The following MARCHF8 variants were observed in gnomAD, a reference collection of about 807,000 sequenced individuals.
MARCHF8 encodes membrane associated ring-CH-type finger 8.
Under a neutral mutation model 51.6 loss-of-function variants are expected in MARCHF8, and 40 were observed. That is an observed-to-expected ratio of 0.77 (90% CI 0.60 to 1.01). The LOEUF is 1.01. Ranked by LOEUF, MARCHF8 falls within the 50% of genes least tolerant of loss-of-function variation. The pLI is 0.00. For synonymous variants in MARCHF8, 263 were observed against 280.3 expected, an observed-to-expected ratio of 0.94 and a Z score of 0.62; for missense variants, 685 against 708.6, an observed-to-expected ratio of 0.97 and a Z score of 0.38.
At chr10:45,532,773 C>A (rs1165065170) in intron 2 of MARCHF8, among the ~76,000 whole-genome samples, 2 of 152,226 alleles carry the variant, frequency 1.3e-5, no homozygotes, top group African/African-American at 4.8e-5. Flanking sequence ...TTCCAGCCAT[C>A]TGGTGTCCAA....
At chr10:45,539,383 ACACCTTAACAT>A (rs1167348416), upstream of MARCHF8, among the ~76,000 whole-genome samples, 1 of 152,216 alleles carries the variant, frequency 6.6e-6, no homozygotes, top group Non-Finnish European at 1.5e-5. Flanking sequence ...TCTAAAATTG[ACACCTTAACAT>A]CACAATTAAA....
intron 1 of MARCHF8, among the ~76,000 whole-genome samples, chr10:45,583,913 G>C (rs1407815545): frequency 6.8e-6 from 1 of 147,622 alleles, no homozygotes; most frequent in African/African-American, 2.5e-5. Flanking sequence ...GGCTGAGGCA[G>C]AGAATTGCTT....
upstream of MARCHF8, among the ~76,000 whole-genome samples, chr10:45,537,567 C>T (rs545298894): frequency 4.0e-5 from 6 of 151,448 alleles, no homozygotes; most frequent in South Asian, 8.3e-4. Context: ...TTGGGAGGAT[C>T]GCTTGAGCCC....
At chr10:45,528,918 C>A (rs2043834749) in intron 2 of MARCHF8, among the ~76,000 whole-genome samples, 1 of 152,106 alleles carries the variant, frequency 6.6e-6, no homozygotes, top group Non-Finnish European at 1.5e-5. Context: ...TCTGCAGATG[C>A]AATTCCTATA....
chr10:45,561,344 G>A (rs927268365), intron 1 of MARCHF8, among the ~76,000 whole-genome samples: 9 of 149,394 alleles, frequency 6.0e-5, no homozygotes, highest in East Asian at 4.0e-4. Flanking sequence ...GCATGATCTC[G>A]GCTCACTGCA....
chr10:45,485,273 G>A (rs1000679871), intron 3 of MARCHF8, among the ~76,000 whole-genome samples: 9 of 152,202 alleles, frequency 5.9e-5, no homozygotes, highest in African/African-American at 1.7e-4. Flanking sequence ...CCCAGGCAGT[G>A]ATAAGTGCGA....
At chr10:45,579,122 G>T (rs1341155240) in intron 1 of MARCHF8, among the ~76,000 whole-genome samples, 1 of 152,096 alleles carries the variant, frequency 6.6e-6, no homozygotes, top group Non-Finnish European at 1.5e-5. Context: ...GAATACCCTG[G>T]CTCTTAGAAA....
intron 2 of MARCHF8, 66 bp from the exon 3 acceptor site, chr10:45,489,483 T>A: frequency 7.2e-7 from 1 of 1,381,672 alleles, no homozygotes; most frequent in Non-Finnish European, 1.0e-6. Flanking sequence ...AACAAGTAAT[T>A]GATCACAACA....
chr10:45,491,365 C>T (rs1387619815), intron 2 of MARCHF8, among the ~76,000 whole-genome samples: 1 of 152,144 alleles, frequency 6.6e-6, no homozygotes, highest in Non-Finnish European at 1.5e-5. Flanking sequence ...TGGTGAAACA[C>T]CGTCTCTACT....
At chr10:45,532,876 G>C (rs935749503) in intron 2 of MARCHF8, among the ~76,000 whole-genome samples, 1 of 152,156 alleles carries the variant, frequency 6.6e-6, no homozygotes, top group African/African-American at 2.4e-5. Context: ...TAATCAGGTA[G>C]ATTTAACCAA....
chr10:45,534,664 A>G lies in MARCHF8; in HGVS notation c.-79+547T>C, dbSNP rs954931482. Among the ~76,000 whole-genome samples the G allele has an allele frequency of 1.5e-4, 23 of 152,148 alleles. 1 individual carries two copies. The highest frequency in any genetic ancestry group is 1.5e-3 in the Admixed American group (23 of 15,272). ...CCAAAAGAATGAATCTCGAATTTGG[A>G]GATTTTCATTTATTAACCATGTGCT... On this transcript the variant is annotated intron_variant, in intron 1 of 7. Transcript: ENST00000453424.
At chr10:45,560,966 G>A (rs2044303969) in intron 1 of MARCHF8, among the ~76,000 whole-genome samples, 1 of 152,188 alleles carries the variant, frequency 6.6e-6, no homozygotes, top group South Asian at 2.1e-4. Context: ...GGGAAATAAG[G>A]CAAAGAGAGA....
chr10:45,567,494 T>C (rs2044378086), intron 1 of MARCHF8, among the ~76,000 whole-genome samples: 1 of 152,250 alleles, frequency 6.6e-6, no homozygotes. Flanking sequence ...CTTCTGCATA[T>C]GGATATCCAG....
chr10:45,459,064 A>C, intron 7 of MARCHF8, 56 bp downstream of exon 7: 1 of 1,602,534 alleles, frequency 6.2e-7, no homozygotes, highest in Non-Finnish European at 8.5e-7. Context: ...TGACCCCAGG[A>C]CTCCTGTGAG....
chr10:45,546,682 AC>A (rs1166449052), intron 1 of MARCHF8, among the ~76,000 whole-genome samples: 3 of 151,666 alleles, frequency 2.0e-5, no homozygotes, highest in African/African-American at 7.3e-5. Flanking sequence ...TACTTGGTCG[AC>A]AGATGGGAGG....
upstream of MARCHF8, among the ~76,000 whole-genome samples, chr10:45,539,560 G>C (rs1177054640): frequency 3.9e-5 from 6 of 152,112 alleles, no homozygotes; most frequent in Admixed American, 3.9e-4. Flanking sequence ...CAACAAAATT[G>C]ATAGACCGCT....
chr10:45,457,665 T>C lies in MARCHF8; in HGVS notation c.*574A>G, dbSNP rs1157814909. 1 of 152,794 alleles carries C rather than the reference T, an allele frequency of 6.5e-6. No homozygotes were observed. The highest frequency in any genetic ancestry group is 6.5e-5 in the Admixed American group (1 of 15,294). The allele number at this position is 152,794 out of a possible 1,614,324, so 9.5% of individuals were successfully genotyped here. ...AAAGATTTTCTTCTGTAAAGTGCTG[T>C]TTGCTCAGTGAATCATGCGCCACCA... is the stretch of plus-strand genomic sequence containing the variant. On this transcript the variant is annotated 3_prime_UTR_variant, in exon 8 of 8. Transcript: ENST00000453424.
At chr10:45,502,212 G>A (rs1564488582) in intron 2 of MARCHF8, among the ~76,000 whole-genome samples, 1 of 152,240 alleles carries the variant, frequency 6.6e-6, no homozygotes, top group East Asian at 1.9e-4. Context: ...CCTTCAACAG[G>A]TAAACGGTTA....
chr10:45,541,750 G>C (rs2044055461), intron 1 of MARCHF8, among the ~76,000 whole-genome samples: 1 of 152,132 alleles, frequency 6.6e-6, no homozygotes, highest in African/African-American at 2.4e-5. Context: ...TGGGAGGATG[G>C]GAAGAGGGAA....
Sources: allele counts gnomAD v4.1 joint callset (sites outside exome capture counted in the v4.1 genomes callset), GRCh38; gene constraint gnomAD v4.1.1; transcripts MANE v1.5; gene names NCBI Gene and HGNC (gene_info 2026-07-23, HGNC 2026-07-21).